RERE: variants seen among roughly 807,000 people sequenced by gnomAD.
The protein encoded by RERE is arginine-glutamic acid dipeptide repeats.
RERE carries 40 observed loss-of-function variants against 146.1 expected under a neutral mutation model. That is an observed-to-expected ratio of 0.27 (90% CI 0.21 to 0.36). The LOEUF (loss-of-function observed/expected upper bound fraction) is 0.36, where lower values mean the gene tolerates loss of function less well. Ranked by LOEUF, RERE falls within the 10% of genes least tolerant of loss-of-function variation. RERE has a pLI of 1.00. For synonymous variants in RERE, 1,003 were observed against 866.0 expected (o/e 1.16, Z -2.78); for missense variants, 1,933 against 2,138.7 (o/e 0.90, Z 1.90).
chr1:8,454,272 T>C (rs1644424075), intron 11 of RERE, among the ~76,000 whole-genome samples: 2 of 152,358 alleles, frequency 1.3e-5, no homozygotes, highest in South Asian at 4.1e-4. Context: ...ACACTGTGTG[T>C]GTGTGTACGC....
intron 1 of RERE, among the ~76,000 whole-genome samples, chr1:8,775,625 T>G (rs952598875): frequency 3.3e-5 from 5 of 152,150 alleles, no homozygotes; most frequent in African/African-American, 7.2e-5. Flanking sequence ...AAAAACAATT[T>G]TTTCCCTTAA....
At chr1:8,649,862 T>A (rs1270373259) in intron 2 of RERE, among the ~76,000 whole-genome samples, 5 of 152,152 alleles carry the variant, frequency 3.3e-5, no homozygotes, top group South Asian at 2.1e-4. Flanking sequence ...GGGAGACTTA[T>A]TAATCCTAAT....
In RERE at chr1:8,565,152, G is replaced by A. The variant is rs147668387; in HGVS notation, c.523-7629C>T. ...AACTGGGTTTTTTAAATGATCGACT[G>A]CACAACATGATTAATATAGTTAATA... On this transcript the variant is annotated intron_variant, in intron 4 of 22. Coordinates refer to ENST00000400908, the MANE Select transcript of RERE (RefSeq NM_001042681.2). 1.7e-3 allele frequency among the ~76,000 whole-genome samples: 261 copies of A among 152,054 alleles called. 3 individuals carry two copies. The highest frequency in any genetic ancestry group is 0.014 in the South Asian group (69 of 4,812).
intron 10 of RERE, among the ~76,000 whole-genome samples, chr1:8,478,922 G>A (rs957322585): frequency 6.6e-6 from 1 of 152,136 alleles, no homozygotes; most frequent in East Asian, 1.9e-4. Context: ...AATTAATATG[G>A]TAGTTATACA....
At chr1:8,405,319 AT>A (rs1384436714) in intron 12 of RERE, among the ~76,000 whole-genome samples, 2 of 152,180 alleles carry the variant, frequency 1.3e-5, no homozygotes, top group African/African-American at 4.8e-5. Flanking sequence ...TCATTAAGAA[AT>A]TTTTTTGCAG....
intron 1 of RERE, among the ~76,000 whole-genome samples, chr1:8,707,516 C>T (rs925180443): frequency 6.6e-6 from 1 of 152,116 alleles, no homozygotes; most frequent in Admixed American, 6.5e-5. Flanking sequence ...TCCAAGACCA[C>T]CGAGGCAGCA....
chr1:8,469,173 G>A (rs1244219377), intron 10 of RERE, among the ~76,000 whole-genome samples: 1 of 152,000 alleles, frequency 6.6e-6, no homozygotes, highest in East Asian at 1.9e-4. Context: ...GGCCTCAAGT[G>A]TGATCAGCTT....
At chr1:8,440,605 A>G (rs1014499692) in intron 11 of RERE, among the ~76,000 whole-genome samples, 2 of 133,778 alleles carry the variant, frequency 1.5e-5, no homozygotes, top group Non-Finnish European at 3.2e-5. Flanking sequence ...AAAAAAAAAA[A>G]GGCTGGGCAC....
chr1:8,713,040 C>T (rs561253177), intron 1 of RERE, among the ~76,000 whole-genome samples: 17 of 152,260 alleles, frequency 1.1e-4, no homozygotes, highest in Non-Finnish European at 1.9e-4. Flanking sequence ...ACTAGAAAAG[C>T]ACATTATCCT....
At chr1:8,447,721 T>G (rs181981184) in intron 11 of RERE, among the ~76,000 whole-genome samples, 1 of 152,308 alleles carries the variant, frequency 6.6e-6, no homozygotes, top group Admixed American at 6.5e-5. Flanking sequence ...TCGTTTCAGC[T>G]CCAGTGGAGG....
intron 1 of RERE, among the ~76,000 whole-genome samples, chr1:8,802,278 T>C (rs917894281): frequency 6.6e-6 from 1 of 152,190 alleles, no homozygotes; most frequent in African/African-American, 2.4e-5. Flanking sequence ...GCTCTTACTA[T>C]GTGGTCTGAA....
chr1:8,642,328 G>C (rs184416759), intron 2 of RERE, among the ~76,000 whole-genome samples: 2 of 152,202 alleles, frequency 1.3e-5, no homozygotes, highest in South Asian at 4.2e-4. Flanking sequence ...TCTACTCCAC[G>C]TTAACCCACC....
intron 7 of RERE, among the ~76,000 whole-genome samples, chr1:8,522,930 C>T (rs1355804731): frequency 6.6e-6 from 1 of 151,544 alleles, no homozygotes; most frequent in African/African-American, 2.4e-5. Context: ...AATCCTGGCA[C>T]TTTGGGAGGC....
intron 12 of RERE, among the ~76,000 whole-genome samples, chr1:8,366,930 AAAAAAAAAAAACCC>A (rs1205130451): frequency 8.2e-5 from 9 of 110,166 alleles, no homozygotes; most frequent in African/African-American, 2.9e-4. Flanking sequence ...AAAAAAAAAC[AAAAAAAAAAAACCC>A]AAAAAACAAA....
chr1:8,789,301 A>AAAAAAAAAAAAAAAAAAAAAAAT, intron 1 of RERE, among the ~76,000 whole-genome samples: 1 of 24,814 alleles, frequency 4.0e-5, no homozygotes, highest in Non-Finnish European at 6.5e-5. Context: ...AAAAAAAAAA[A>AAAAAAAAAAAAAAAAAAAAAAAT]ATATATATAT....
At chr1:8,426,109 T>C (rs1451687239) in intron 11 of RERE, among the ~76,000 whole-genome samples, 1 of 152,178 alleles carries the variant, frequency 6.6e-6, no homozygotes, top group Non-Finnish European at 1.5e-5. Context: ...GTCTGTACTT[T>C]CCTCTTCTCG....
At chr1:8,381,786 C>G (rs1210207594) in intron 12 of RERE, among the ~76,000 whole-genome samples, 1 of 152,180 alleles carries the variant, frequency 6.6e-6, no homozygotes, top group African/African-American at 2.4e-5. Context: ...CACGTATGCA[C>G]TAATGTGCGC....
chr1:8,678,313 TAAAAA>T (rs756492041), intron 1 of RERE, among the ~76,000 whole-genome samples: 11 of 151,832 alleles, frequency 7.2e-5, no homozygotes, highest in African/African-American at 1.5e-4. Context: ...CTTAAATACT[TAAAAA>T]AAACAGGCGA....
At chr1:8,414,055 C>CAAAAAAAA (rs71580026) in intron 12 of RERE, among the ~76,000 whole-genome samples, 18 of 91,648 alleles carry the variant, frequency 2.0e-4, no homozygotes, top group East Asian at 3.2e-4. Context: ...AACTCCATCT[C>CAAAAAAAA]AAAAAAAAAA....
Sources: allele counts gnomAD v4.1 joint callset (sites outside exome capture counted in the v4.1 genomes callset), GRCh38; gene constraint gnomAD v4.1.1; transcripts MANE v1.5; gene names NCBI Gene and HGNC (gene_info 2026-07-23, HGNC 2026-07-21).